Variants in DPP6 observed in about 807,000 individuals in gnomAD.
The protein encoded by DPP6 is A-type potassium channel modulatory protein DPP6.
A neutral mutation model predicts 122.6 loss-of-function variants in DPP6; 69 were observed. That is an observed-to-expected ratio of 0.56 (90% CI 0.46 to 0.69). The LOEUF (loss-of-function observed/expected upper bound fraction) is 0.69. DPP6 is among the 30% of genes least tolerant of loss of function. The probability of loss-of-function intolerance (pLI) is 0.00; values close to 1 mark genes in which losing one functional copy is unlikely to be tolerated. For missense variants in DPP6, 928 were observed against 1,116.9 expected, an observed-to-expected ratio of 0.83 and a Z score of 2.41; for synonymous variants, 418 against 433.1, an observed-to-expected ratio of 0.97 and a Z score of 0.43.
At chr7:154,757,975 G>A (rs139141036) in intron 8 of DPP6, among the ~76,000 whole-genome samples, 13 of 145,052 alleles carry the variant, frequency 9.0e-5, no homozygotes, top group African/African-American at 2.5e-4. Context: ...TCTCCCCCCC[G>A]CCCTCTCCCC....
At chr7:154,172,041 C>G (rs186220662) in intron 1 of DPP6, among the ~76,000 whole-genome samples, 14 of 152,246 alleles carry the variant, frequency 9.2e-5, no homozygotes, top group Admixed American at 3.9e-4. Context: ...CATGGTCAAG[C>G]CCCTTTGACT....
rs183502888 is a variant in DPP6 at position 154,180,345 on chromosome 7, T to C, written c.243+127282T>C. Among the ~76,000 whole-genome samples, 281 of 147,782 alleles carry C rather than the reference T, an allele frequency of 1.9e-3. 5 individuals carry two copies. The highest frequency in any genetic ancestry group is 6.9e-3 in the African/African-American group (273 of 39,828). ...CCTGGGCAACAACCCGGGAGACAGA[T>C]AGATAGATAGATAGATTCTCTCTCT... is the stretch of plus-strand genomic sequence containing the variant. On this transcript the variant is annotated intron_variant, in intron 1 of 25. Transcript: ENST00000377770.
the DPP6 span, among the ~76,000 whole-genome samples, chr7:153,844,304 T>C: frequency 5.9e-5 from 9 of 152,254 alleles, no homozygotes; most frequent in Non-Finnish European, 1.2e-4. Flanking sequence ...ACCATAGCAA[T>C]CATGGCTTGG....
the DPP6 span, among the ~76,000 whole-genome samples, chr7:153,819,788 ATC>A: frequency 6.6e-6 from 1 of 152,196 alleles, no homozygotes; most frequent in Non-Finnish European, 1.5e-5. Context: ...TGCATATTTT[ATC>A]TCTATTTAAA....
intron 23 of DPP6, among the ~76,000 whole-genome samples, chr7:154,888,793 G>A (rs1293410207): frequency 1.3e-5 from 2 of 152,222 alleles, no homozygotes; most frequent in African/African-American, 2.4e-5. Context: ...AAAGGAAATA[G>A]GTTTAGTGGA....
intron 1 of DPP6, among the ~76,000 whole-genome samples, chr7:154,164,138 A>G (rs1240688457): frequency 6.6e-6 from 1 of 151,828 alleles, no homozygotes; most frequent in Non-Finnish European, 1.5e-5. Context: ...TTTCCTTCTC[A>G]GAATAGGTGC....
intron 1 of DPP6, among the ~76,000 whole-genome samples, chr7:154,375,767 T>C (rs4725538): frequency 0.6 from 91,365 of 152,142 alleles, 31,117 homozygotes; most frequent in East Asian, 0.75. Context: ...TATTTCATTA[T>C]GGCAGCTGGA....
chr7:153,776,312 A>G, the DPP6 span, among the ~76,000 whole-genome samples: 1 of 152,124 alleles, frequency 6.6e-6, no homozygotes, highest in Non-Finnish European at 1.5e-5. Context: ...AGGTAATTGA[A>G]TCATGGGGGC....
intron 8 of DPP6, among the ~76,000 whole-genome samples, chr7:154,744,626 T>A (rs558212873): frequency 6.6e-6 from 1 of 152,354 alleles, no homozygotes; most frequent in East Asian, 1.9e-4. Flanking sequence ...GCTGATTTCT[T>A]TTTTAACCCC....
intron 1 of DPP6, among the ~76,000 whole-genome samples, chr7:154,190,624 C>T (rs568684112): frequency 9.2e-5 from 14 of 152,202 alleles, no homozygotes; most frequent in African/African-American, 3.4e-4. Flanking sequence ...TCCCTTTCCC[C>T]TAGTGAACCA....
chr7:154,435,516 G>T (rs187468950), intron 1 of DPP6, among the ~76,000 whole-genome samples: 1 of 152,196 alleles, frequency 6.6e-6, no homozygotes, highest in African/African-American at 2.4e-5. Flanking sequence ...TATCACCTTT[G>T]TGGAAAGAGA....
chr7:153,773,264 CGTGT>C, the DPP6 span, among the ~76,000 whole-genome samples: 80 of 132,454 alleles, frequency 6.0e-4, no homozygotes, highest in African/African-American at 1.5e-3. Context: ...TCTTTTCTTT[CGTGT>C]GTGTGTGTGT....
chr7:154,656,030 G>T (rs570375968), intron 6 of DPP6, among the ~76,000 whole-genome samples: 1 of 151,998 alleles, frequency 6.6e-6, no homozygotes, highest in African/African-American at 2.4e-5. Flanking sequence ...AGTTCTGAAG[G>T]CCAGAGATGT....
chr7:153,887,244 C>G (rs1005480873), exon 1 of DPP6: 4 of 153,304 alleles, frequency 2.6e-5, no homozygotes, highest in African/African-American at 9.7e-5. Flanking sequence ...GAGCCGGGGC[C>G]GAGCCGCCGG....
chr7:154,094,271 G>A (rs961242446), intron 1 of DPP6: 2 of 152,142 alleles, frequency 1.3e-5, no homozygotes, highest in African/African-American at 4.8e-5. Context: ...GTCAGGGGAC[G>A]TTCCCATCAA....
intron 1 of DPP6, among the ~76,000 whole-genome samples, chr7:154,295,020 C>T (rs574123211): frequency 1.3e-5 from 2 of 152,332 alleles, no homozygotes; most frequent in Admixed American, 1.3e-4. Flanking sequence ...CGAGGGCCAA[C>T]CTGTGGGCAG....
intron 5 of DPP6, among the ~76,000 whole-genome samples, chr7:154,632,446 G>C (rs778050372): frequency 6.6e-6 from 1 of 152,090 alleles, no homozygotes; most frequent in Non-Finnish European, 1.5e-5. Flanking sequence ...GGAAGCAAGG[G>C]GTCAAAGAAT....
At chr7:154,155,013 A>C (rs558782149) in intron 1 of DPP6, among the ~76,000 whole-genome samples, 1 of 152,242 alleles carries the variant, frequency 6.6e-6, no homozygotes, top group African/African-American at 2.4e-5. Context: ...CTGTGGGCAC[A>C]GTGTCCTTGG....
intron 1 of DPP6, among the ~76,000 whole-genome samples, chr7:154,146,805 C>A (rs1243784092): frequency 6.6e-6 from 1 of 152,116 alleles, no homozygotes; most frequent in African/African-American, 2.4e-5. Context: ...GTGGAGGGAG[C>A]AAGCCGCGCG....
Sources: allele counts gnomAD v4.1 joint callset (sites outside exome capture counted in the v4.1 genomes callset), GRCh38; gene constraint gnomAD v4.1.1; transcripts MANE v1.5; gene names NCBI Gene and HGNC (gene_info 2026-07-23, HGNC 2026-07-21).